The following TAFA1 variants were observed in gnomAD, a reference collection of about 807,000 sequenced individuals.
The protein encoded by TAFA1 is TAFA chemokine like family member 1, also known as chemokine-like protein TAFA-1.
Under a neutral mutation model 18.5 loss-of-function variants are expected in TAFA1, and 4 were observed. That is an observed-to-expected ratio of 0.22 (90% CI 0.11 to 0.49). The LOEUF is 0.49. TAFA1 is among the 20% of genes least tolerant of loss of function. TAFA1 has a pLI of 0.98. For synonymous variants in TAFA1, 56 were observed against 55.2 expected, an observed-to-expected ratio of 1.01 and a Z score of -0.06; for missense variants, 147 against 169.0, an observed-to-expected ratio of 0.87 and a Z score of 0.72.
chr3:68,426,772 C>T (rs1278933003), intron 3 of TAFA1, among the ~76,000 whole-genome samples: 10 of 151,816 alleles, frequency 6.6e-5, no homozygotes, highest in Admixed American at 6.6e-4. Context: ...GTACATAATA[C>T]AAATTATGTG....
intron 2 of TAFA1, among the ~76,000 whole-genome samples, chr3:68,252,696 A>C (rs2067221174): frequency 1.3e-5 from 2 of 152,164 alleles, no homozygotes; most frequent in African/African-American, 4.8e-5. Context: ...TGGCTCTACC[A>C]CTTACTAAAC....
At chr3:68,043,861 A>T (rs766088302) in intron 2 of TAFA1, among the ~76,000 whole-genome samples, 3 of 152,052 alleles carry the variant, frequency 2.0e-5, no homozygotes, top group Non-Finnish European at 4.4e-5. Context: ...ATTTTTTATT[A>T]TACCTTAATT....
At chr3:68,293,980 G>C (rs1408658526) in intron 2 of TAFA1, among the ~76,000 whole-genome samples, 1 of 152,170 alleles carries the variant, frequency 6.6e-6, no homozygotes, top group Admixed American at 6.5e-5. Context: ...TAAGATTTAG[G>C]ATTTTTTGTT....
intron 2 of TAFA1, among the ~76,000 whole-genome samples, chr3:68,194,425 G>T (rs1405563054): frequency 6.6e-6 from 1 of 151,718 alleles, no homozygotes; most frequent in African/African-American, 2.4e-5. Context: ...TTAAAAAGAT[G>T]AGACTAACCA....
At position 68,370,385 on chromosome 3, in the gene TAFA1, TATATAC is replaced by T. The variant is rs1217640049; in HGVS notation, c.119-46893_119-46888del. Among the ~76,000 whole-genome samples, 18 of 77,836 alleles carry T rather than the reference TATATAC, an allele frequency of 2.3e-4. No homozygotes were observed. The East Asian group carries it at 2.9e-3, about 13-fold the overall frequency. 51.1% of individuals were successfully genotyped at this position (77,836 alleles called of 152,430 possible). ...ACACACACATATATATATACACATA[TATATAC>T]ACACATATATATACACATATATATG... On this transcript the variant is annotated intron_variant, in intron 2 of 4. Transcript: ENST00000478136.
intron 3 of TAFA1, among the ~76,000 whole-genome samples, chr3:68,444,076 C>T (rs564033504): frequency 1.2e-4 from 19 of 152,248 alleles, no homozygotes; most frequent in South Asian, 4.1e-4. Flanking sequence ...TCTACAGCCT[C>T]GACAGGTTTT....
At chr3:68,490,008 A>T (rs1252319732) in intron 3 of TAFA1, among the ~76,000 whole-genome samples, 1 of 152,240 alleles carries the variant, frequency 6.6e-6, no homozygotes, top group East Asian at 1.9e-4. Context: ...AACAAAATAA[A>T]AAGTGAGACT....
At chr3:68,082,293 G>A (rs879918381) in intron 2 of TAFA1, among the ~76,000 whole-genome samples, 3 of 152,232 alleles carry the variant, frequency 2.0e-5, no homozygotes, top group Non-Finnish European at 4.4e-5. Context: ...CACGCTGGGA[G>A]CTGTAGACCG....
At chr3:68,068,060 T>A (rs2064705085) in intron 2 of TAFA1, among the ~76,000 whole-genome samples, 1 of 152,330 alleles carries the variant, frequency 6.6e-6, no homozygotes, top group Non-Finnish European at 1.5e-5. Context: ...ATGGCAGTAA[T>A]GTCTTCAGCA....
chr3:68,138,240 T>A lies in TAFA1; in HGVS notation c.118+131496T>A, dbSNP rs2065630727. 4.6e-5 allele frequency among the ~76,000 whole-genome samples: 7 copies of A among 152,096 alleles called. 2 individuals carry two copies. Among genetic ancestry groups the A allele is most frequent in the Admixed American group, 4.6e-4 (7 of 15,264 alleles). On this transcript the variant is annotated intron_variant, in intron 2 of 4. Coordinates refer to ENST00000478136, the MANE Select transcript of TAFA1 (RefSeq NM_213609.4). ...CCATGTGACAAGAAGTGGCCAAGAGTAGAACTGATGTGCTATTTGTAGGCT... is the reference window on the plus strand; with the variant it reads ...CCATGTGACAAGAAGTGGCCAAGAGAAGAACTGATGTGCTATTTGTAGGCT...
At chr3:68,437,786 A>G (rs776151993) in intron 3 of TAFA1, among the ~76,000 whole-genome samples, 2 of 152,030 alleles carry the variant, frequency 1.3e-5, no homozygotes, top group Non-Finnish European at 2.9e-5. Context: ...AAATTTTCAA[A>G]CCATAGCATT....
intron 3 of TAFA1, among the ~76,000 whole-genome samples, chr3:68,508,035 G>T (rs2072788561): frequency 6.6e-6 from 1 of 152,076 alleles, no homozygotes; most frequent in Non-Finnish European, 1.5e-5. Context: ...TCACAGTTCT[G>T]GAGGTTAGAA....
At chr3:68,404,895 G>A (rs1219731403) in intron 2 of TAFA1, among the ~76,000 whole-genome samples, 3 of 151,834 alleles carry the variant, frequency 2.0e-5, no homozygotes, top group South Asian at 4.1e-4. Flanking sequence ...GCCCTAAAGT[G>A]GACAGTATTT....
chr3:68,227,323 C>T (rs1327925558), intron 2 of TAFA1, among the ~76,000 whole-genome samples: 1 of 152,146 alleles, frequency 6.6e-6, no homozygotes, highest in Non-Finnish European at 1.5e-5. Context: ...CAGAGTACAT[C>T]CATTAATTTC....
At chr3:68,056,861 G>A (rs1224171869) in intron 2 of TAFA1, among the ~76,000 whole-genome samples, 1 of 152,142 alleles carries the variant, frequency 6.6e-6, no homozygotes, top group Non-Finnish European at 1.5e-5. Context: ...GGAATTTGGT[G>A]GGAGACTCTG....
At chr3:68,042,576 G>C (rs1440613014) in intron 2 of TAFA1, among the ~76,000 whole-genome samples, 1 of 152,180 alleles carries the variant, frequency 6.6e-6, no homozygotes, top group Non-Finnish European at 1.5e-5. Context: ...TTGAACCTGG[G>C]AGGTGGAGGT....
intron 2 of TAFA1, among the ~76,000 whole-genome samples, chr3:68,167,570 C>A (rs1278355559): frequency 2.6e-5 from 3 of 114,670 alleles, no homozygotes; most frequent in East Asian, 5.1e-4. Flanking sequence ...GAGCAAGACT[C>A]CGTCTCAAAA....
intron 2 of TAFA1, among the ~76,000 whole-genome samples, chr3:68,264,831 G>T (rs1424099181): frequency 6.6e-6 from 1 of 151,994 alleles, no homozygotes; most frequent in Non-Finnish European, 1.5e-5. Context: ...ATAGATAATT[G>T]TTTATTTCAA....
At chr3:68,495,002 AAAAAC>A (rs996964262) in intron 3 of TAFA1, among the ~76,000 whole-genome samples, 20 of 152,064 alleles carry the variant, frequency 1.3e-4, no homozygotes, top group Admixed American at 2.6e-4. Flanking sequence ...CAACTAGAGT[AAAAAC>A]AAAAGAAAAG....
Sources: gnomAD v4.1 joint callset for allele counts (sites outside exome capture counted in the v4.1 genomes callset) on GRCh38, gnomAD v4.1.1 for gene constraint, MANE v1.5 for transcripts, NCBI Gene and HGNC (gene_info 2026-07-23, HGNC 2026-07-21) for gene names.